The following FSHR variants were observed in gnomAD, a reference collection of about 807,000 sequenced individuals.
The protein encoded by FSHR is follicle stimulating hormone receptor, also known as follicle-stimulating hormone receptor.
FSHR carries 46 observed loss-of-function variants against 52.1 expected under a neutral mutation model. The ratio of observed to expected loss-of-function variants is 0.88; its 90% CI spans 0.70 to 1.13. The LOEUF is 1.13. Ranked by LOEUF, FSHR falls within the 50% of genes most tolerant of loss-of-function variation. The probability of loss-of-function intolerance (pLI) is 0.00; values close to 1 mark genes in which losing one functional copy is unlikely to be tolerated. For missense variants in FSHR, 964 were observed against 834.6 expected, an observed-to-expected ratio of 1.16 and a Z score of -1.91; for synonymous variants, 399 against 309.6, an observed-to-expected ratio of 1.29 and a Z score of -3.03.
intron 1 of FSHR, among the ~76,000 whole-genome samples, chr2:49,115,065 C>A (rs1287488979): frequency 6.7e-6 from 1 of 150,338 alleles, no homozygotes; most frequent in African/African-American, 2.5e-5. Flanking sequence ...ACAAGATGTG[C>A]ATGGAAAGGA....
intron 4 of FSHR, among the ~76,000 whole-genome samples, chr2:49,010,316 A>C (rs1306084330): frequency 6.8e-6 from 1 of 146,236 alleles, no homozygotes; most frequent in African/African-American, 2.5e-5. Flanking sequence ...CTCTGTTTAT[A>C]TGCTGGATTA....
intron 2 of FSHR, among the ~76,000 whole-genome samples, chr2:49,054,308 T>G (rs948323738): frequency 1.3e-5 from 2 of 152,084 alleles, no homozygotes; most frequent in Non-Finnish European, 2.9e-5. Flanking sequence ...GCCCACAGGT[T>G]GCTGCTGGCA....
chr2:48,964,785 G>A (rs1399440490), intron 9 of FSHR, among the ~76,000 whole-genome samples: 1 of 152,078 alleles, frequency 6.6e-6, no homozygotes, highest in Non-Finnish European at 1.5e-5. Context: ...ATGTACAAGG[G>A]GCCTTGTCAA....
chr2:49,135,242 G>C (rs1208781865), intron 1 of FSHR, among the ~76,000 whole-genome samples: 3 of 151,874 alleles, frequency 2.0e-5, no homozygotes, highest in African/African-American at 7.3e-5. Flanking sequence ...CAATATTTTT[G>C]ATTGAATAGA....
chr2:49,057,077 A>T (rs190954523), intron 2 of FSHR, among the ~76,000 whole-genome samples: 11 of 152,078 alleles, frequency 7.2e-5, no homozygotes, highest in Non-Finnish European at 1.5e-5. Context: ...CCCAGCCTCA[A>T]ATAAACCAAT....
intron 2 of FSHR, among the ~76,000 whole-genome samples, chr2:49,038,655 A>AG (rs1668379651): frequency 1.4e-5 from 2 of 146,524 alleles, no homozygotes; most frequent in Non-Finnish European, 1.5e-5. Flanking sequence ...AATAATAATA[A>AG]TAATAATAAT....
At chr2:49,010,565 T>C (rs1295959030) in intron 4 of FSHR, among the ~76,000 whole-genome samples, 4 of 151,788 alleles carry the variant, frequency 2.6e-5, no homozygotes, top group South Asian at 2.1e-4. Context: ...GGAGGATTCC[T>C]TCTTTTTCTA....
chr2:49,034,600 G>A (rs951625883), intron 2 of FSHR, among the ~76,000 whole-genome samples: 1 of 152,174 alleles, frequency 6.6e-6, no homozygotes, highest in Non-Finnish European at 1.5e-5. Context: ...ATTAAATTAT[G>A]TCTGTGAAAG....
intron 4 of FSHR, 74 bp from the exon 5 acceptor site, chr2:48,990,711 CA>C (rs1219347964): frequency 1.1e-6 from 1 of 919,736 alleles, no homozygotes; most frequent in African/African-American, 1.6e-5. Flanking sequence ...ATGAACTTTC[CA>C]GAATAAAAAT....
At chr2:49,127,812 TTCTTCTTCTTCTTCTTCC>T (rs1558456464) in intron 1 of FSHR, among the ~76,000 whole-genome samples, 43 of 56,452 alleles carry the variant, frequency 7.6e-4, no homozygotes, top group Middle Eastern at 9.6e-3. Context: ...CTTCTTCTTC[TTCTTCTTCTTCTTCTTCC>T]TCTTCTTCTT....
intron 8 of FSHR, among the ~76,000 whole-genome samples, chr2:48,971,852 G>A (rs992904706): frequency 9.9e-5 from 15 of 152,012 alleles, no homozygotes; most frequent in African/African-American, 2.9e-4. Context: ...CTCCTAGCTC[G>A]CTGAAAGTTT....
chr2:49,070,598 G>T (rs1304444305), intron 1 of FSHR, among the ~76,000 whole-genome samples: 3 of 152,078 alleles, frequency 2.0e-5, no homozygotes, highest in Non-Finnish European at 4.4e-5. Flanking sequence ...TGGAGAGTGA[G>T]GTCTTGAATA....
chr2:49,093,009 C>T (rs1385557293), intron 1 of FSHR, among the ~76,000 whole-genome samples: 1 of 152,110 alleles, frequency 6.6e-6, no homozygotes, highest in African/African-American at 2.4e-5. Flanking sequence ...TGGAATAAAC[C>T]CCATTTGATC....
At chr2:48,996,448 A>G (rs1384082944) in intron 4 of FSHR, among the ~76,000 whole-genome samples, 2 of 152,178 alleles carry the variant, frequency 1.3e-5, no homozygotes, top group Non-Finnish European at 2.9e-5. Context: ...GGCTTGATCA[A>G]TATACAACCA....
At chr2:49,139,656 G>T (rs1050933901) in intron 1 of FSHR, among the ~76,000 whole-genome samples, 12 of 149,868 alleles carry the variant, frequency 8.0e-5, no homozygotes, top group Non-Finnish European at 1.5e-4. Context: ...GGAGTGCAGT[G>T]GCATGATCAC....
chr2:49,061,824 A>G (rs1004711414), intron 2 of FSHR, among the ~76,000 whole-genome samples: 6 of 133,892 alleles, frequency 4.5e-5, no homozygotes, highest in African/African-American at 1.3e-4. Context: ...ATATATAACT[A>G]TATATGTTTA....
At chr2:49,150,965 T>C (rs1163333951) in intron 1 of FSHR, among the ~76,000 whole-genome samples, 2 of 152,050 alleles carry the variant, frequency 1.3e-5, no homozygotes, top group African/African-American at 4.8e-5. Flanking sequence ...GACATGACAA[T>C]TATATGAAAT....
At chr2:48,970,104 T>G (rs1163545208) in intron 8 of FSHR, among the ~76,000 whole-genome samples, 1 of 152,192 alleles carries the variant, frequency 6.6e-6, no homozygotes, top group East Asian at 1.9e-4. Context: ...CTTGGGGGTG[T>G]GAATATATAT....
At chr2:49,094,307 C>T (rs1670736121) in intron 1 of FSHR, among the ~76,000 whole-genome samples, 1 of 152,104 alleles carries the variant, frequency 6.6e-6, no homozygotes, top group Non-Finnish European at 1.5e-5. Context: ...TTAAAAATTG[C>T]ATCAGATAAG....
Sources: allele counts gnomAD v4.1 joint callset (sites outside exome capture counted in the v4.1 genomes callset), GRCh38; gene constraint gnomAD v4.1.1; transcripts MANE v1.5; gene names NCBI Gene and HGNC (gene_info 2026-07-23, HGNC 2026-07-21).